Variants in NKAIN1 observed in about 807,000 individuals in gnomAD.
NKAIN1 encodes sodium/potassium transporting ATPase interacting 1.
NKAIN1 carries 13 observed loss-of-function variants against 31.6 expected under a neutral mutation model. The observed-to-expected ratio is 0.41, with a 90% CI of 0.27 to 0.65. The LOEUF (loss-of-function observed/expected upper bound fraction) is 0.65, where lower values mean the gene tolerates loss of function less well. Among genes scored for constraint, NKAIN1 ranks in the 30% least tolerant of loss-of-function variants. NKAIN1 has a pLI of 0.30. For missense variants in NKAIN1, 193 were observed against 262.2 expected (o/e 0.74, Z 1.82); for synonymous variants, 104 against 109.0 (o/e 0.95, Z 0.28).
Position 31,239,590 on chromosome 1 carries a change from T to C in NKAIN1, c.-43A>G. ...GGGCCGCACGCCGCGGCGCCCTTCT[T>C]GCTCCGCGGCCGCCGCCTGCTCGCG... On this transcript the variant is annotated 5_prime_UTR_variant, in exon 1 of 7. Transcript: ENST00000373736. This position sits in a 1 kb window ranked among gnomAD's most constrained non-coding sequence, Gnocchi z 4.8. 8 of 1,155,158 alleles carry C rather than the reference T, an allele frequency of 6.9e-6. No homozygotes were observed. The highest frequency in any genetic ancestry group is 8.6e-6 in the Non-Finnish European group (8 of 934,470). 71.6% of individuals were successfully genotyped at this position (1,155,158 alleles called of 1,614,324 possible). A position where few individuals can be genotyped will look rare whatever the true frequency, so the allele number is the denominator to read the frequency against.
At chr1:31,210,088 C>T (rs1022349824) in intron 1 of NKAIN1, among the ~76,000 whole-genome samples, 1 of 151,994 alleles carries the variant, frequency 6.6e-6, no homozygotes, top group Non-Finnish European at 1.5e-5. Context: ...ATAGAGCCTC[C>T]TCCTTAGTTC....
intron 1 of NKAIN1, among the ~76,000 whole-genome samples, chr1:31,197,509 G>T (rs1475968426): frequency 6.7e-6 from 1 of 149,660 alleles, no homozygotes; most frequent in Non-Finnish European, 1.5e-5. Context: ...GCCTCCCAAA[G>T]TGCTGGGATT....
chr1:31,185,160 G>A (rs1307818033), intron 3 of NKAIN1, 87 bp downstream of exon 3: 4 of 1,025,138 alleles, frequency 3.9e-6, no homozygotes, highest in Middle Eastern at 2.0e-4. Flanking sequence ...GAGACATGAT[G>A]CTCTGGTCCT....
chr1:31,236,768 G>C (rs1025642870), intron 1 of NKAIN1, among the ~76,000 whole-genome samples: 2 of 152,188 alleles, frequency 1.3e-5, no homozygotes, highest in African/African-American at 4.8e-5. Context: ...CCTCTAAGTG[G>C]AAGAGTGGGG....
intron 1 of NKAIN1, among the ~76,000 whole-genome samples, chr1:31,212,685 G>A (rs1313393879): frequency 6.6e-6 from 1 of 151,814 alleles, no homozygotes; most frequent in Non-Finnish European, 1.5e-5. Context: ...AATTACAGAC[G>A]TGAGCCACCG....
intron 1 of NKAIN1, among the ~76,000 whole-genome samples, chr1:31,209,877 C>T (rs1353006762): frequency 4.0e-5 from 6 of 151,608 alleles, no homozygotes; most frequent in African/African-American, 7.3e-5. Flanking sequence ...GTCCTAGCTA[C>T]TCAGGATGCT....
At chr1:31,197,177 T>A (rs1365824372) in intron 1 of NKAIN1, among the ~76,000 whole-genome samples, 2 of 146,564 alleles carry the variant, frequency 1.4e-5, no homozygotes, top group Non-Finnish European at 3.0e-5. Flanking sequence ...AGTGGCACAA[T>A]CTCGGCTCAC....
intron 1 of NKAIN1, among the ~76,000 whole-genome samples, chr1:31,218,016 T>TTTTTC (rs773175985): frequency 9.2e-6 from 1 of 108,242 alleles, no homozygotes; most frequent in South Asian, 3.3e-4. Context: ...GCAGCTACCA[T>TTTTTC]TTTCTTTCTT....
intron 1 of NKAIN1, among the ~76,000 whole-genome samples, chr1:31,193,099 C>T (rs1017571530): frequency 6.6e-6 from 1 of 150,832 alleles, no homozygotes; most frequent in African/African-American, 2.4e-5. Flanking sequence ...GACGGAGTCT[C>T]ACTCTGTCTC....
chr1:31,231,990 C>T (rs915413191), intron 1 of NKAIN1, among the ~76,000 whole-genome samples: 1 of 151,452 alleles, frequency 6.6e-6, no homozygotes, highest in Non-Finnish European at 1.5e-5. Context: ...GCAATCATGG[C>T]TCACTGCAGC....
intron 1 of NKAIN1, among the ~76,000 whole-genome samples, chr1:31,236,174 C>G (rs1432400078): frequency 6.6e-6 from 1 of 152,034 alleles, no homozygotes; most frequent in African/African-American, 2.4e-5. Flanking sequence ...AGTGACAGAA[C>G]CAGGTCTAAA....
chr1:31,220,445 C>T (rs889911272), intron 1 of NKAIN1, among the ~76,000 whole-genome samples: 5 of 152,020 alleles, frequency 3.3e-5, no homozygotes, highest in African/African-American at 1.2e-4. Context: ...ATCCCCAGCA[C>T]CTACCTAGCA....
intron 1 of NKAIN1, among the ~76,000 whole-genome samples, chr1:31,197,950 T>A (rs1645344258): frequency 6.6e-6 from 1 of 152,146 alleles, no homozygotes; most frequent in Non-Finnish European, 1.5e-5. Context: ...TTGAACTCCT[T>A]GGCTCAATCC....
At chr1:31,206,191 C>G (rs193086319) in intron 1 of NKAIN1, among the ~76,000 whole-genome samples, 6,027 of 130,132 alleles carry the variant, frequency 0.046, 338 homozygotes, top group African/African-American at 0.13. Context: ...GCCAAGATCC[C>G]ACCACTGCAC....
intron 1 of NKAIN1, among the ~76,000 whole-genome samples, chr1:31,211,322 G>C (rs1645467234): frequency 1.3e-5 from 2 of 152,160 alleles, no homozygotes; most frequent in African/African-American, 4.8e-5. Flanking sequence ...CAGAGTCCAA[G>C]ATCAATATAC....
At chr1:31,218,290 C>A (rs1036971826) in intron 1 of NKAIN1, among the ~76,000 whole-genome samples, 1 of 152,006 alleles carries the variant, frequency 6.6e-6, no homozygotes, top group African/African-American at 2.4e-5. Flanking sequence ...TCTCGATCTC[C>A]TGACCTCATG....
rs1056054883 is a variant in NKAIN1, at chr1:31,197,338, T to C, written c.55-9151A>G. ...GTGTTAGCCAGGATGGTCTCGATCT[T>C]CTGACCTCGTGATCCGCCCGCCTCA... is the stretch of plus-strand genomic sequence containing the variant. On this transcript the variant is annotated intron_variant, in intron 1 of 6. Transcript: ENST00000373736. Among the ~76,000 whole-genome samples the C allele has an allele frequency of 1.4e-4, 21 of 151,652 alleles. No individual in the cohort carries two copies. In the East Asian group the frequency reaches 2.3e-3, roughly 17 times the overall value.
chr1:31,235,735 T>C (rs2148369926), intron 1 of NKAIN1, among the ~76,000 whole-genome samples: 1 of 152,300 alleles, frequency 6.6e-6, no homozygotes, highest in Admixed American at 6.5e-5. Context: ...AGACCAATAA[T>C]GCCTCCCATT....
rs757715600 is a variant in NKAIN1, at chr1:31,181,869, G to A, written c.605C>T (p.Pro202Leu). 1.3e-5 allele frequency: 21 copies of A among 1,607,220 alleles called. No individual in the cohort carries two copies. The highest frequency in any genetic ancestry group is 1.8e-5 in the Non-Finnish European group (21 of 1,177,606). ...GGGGGCCGTGACCCACGTGTACAGAGGCTGCAGCTGTAAATGCGACGTCTT... is the reference window on the plus strand; with the variant it reads ...GGGGGCCGTGACCCACGTGTACAGAAGCTGCAGCTGTAAATGCGACGTCTT... ...PQKTSHLQLQ[P>L]LYTSG The change falls in exon 6 of 7, where the codon CCT (proline) becomes CTT (leucine). Residue 202 changes from proline (P) to leucine (L), a missense_variant. By Grantham distance (98) the Pro-to-Leu change is moderately conservative. Coordinates refer to ENST00000373736, the MANE Select transcript of NKAIN1 (RefSeq NM_024522.3).
Sources: gnomAD v4.1 joint callset for allele counts (sites outside exome capture counted in the v4.1 genomes callset) on GRCh38, gnomAD v4.1.1 for gene constraint, Gnocchi (gnomAD v3.1) non-coding constraint, MANE v1.5 for transcripts, NCBI Gene and HGNC (gene_info 2026-07-23, HGNC 2026-07-21) for gene names.